ADGRL2: variants seen among roughly 807,000 people sequenced by gnomAD.
ADGRL2 encodes calcium-independent alpha-latrotoxin receptor 2.
In ADGRL2, 44 loss-of-function variants were observed where a neutral mutation model predicts 157.4. The observed-to-expected ratio is 0.28, with a 90% CI of 0.22 to 0.36. The LOEUF is 0.36. ADGRL2 is among the 10% of genes least tolerant of loss of function. The pLI is 1.00. For missense variants in ADGRL2, 1,510 were observed against 1,768.9 expected (o/e 0.85, Z 2.63); for synonymous variants, 585 against 624.7 (o/e 0.94, Z 0.95).
At chr1:81,850,607 T>C (rs749057754) in intron 2 of ADGRL2, among the ~76,000 whole-genome samples, 1 of 151,912 alleles carries the variant, frequency 6.6e-6, no homozygotes, top group Non-Finnish European at 1.5e-5. Context: ...CAGTTCCTTT[T>C]TGTTCTTTAG....
intron 2 of ADGRL2, among the ~76,000 whole-genome samples, chr1:81,784,783 A>C (rs1191664238): frequency 6.6e-6 from 1 of 152,096 alleles, no homozygotes; most frequent in Non-Finnish European, 1.5e-5. Flanking sequence ...GCATCAAGAA[A>C]AAAATTCCGC....
intron 3 of ADGRL2, among the ~76,000 whole-genome samples, chr1:81,684,993 T>C (rs1376882143): frequency 2.0e-5 from 3 of 152,200 alleles, no homozygotes; most frequent in Non-Finnish European, 2.9e-5. Flanking sequence ...CATTGGTCTA[T>C]GTGCCTATTT....
chr1:81,572,060 A>T (rs2080705955), intron 2 of ADGRL2, among the ~76,000 whole-genome samples: 2 of 152,244 alleles, frequency 1.3e-5, no homozygotes, highest in African/African-American at 4.8e-5. Context: ...CAAATTGAAA[A>T]ATTATAGAAT....
chr1:81,404,523 T>G (rs1196895957), intron 1 of ADGRL2, among the ~76,000 whole-genome samples: 1 of 152,150 alleles, frequency 6.6e-6, no homozygotes, highest in African/African-American at 2.4e-5. Context: ...AGGCAAACAA[T>G]TAGTAAGAGG....
At chr1:81,440,197 C>T (rs886266127) in intron 1 of ADGRL2, among the ~76,000 whole-genome samples, 1 of 152,226 alleles carries the variant, frequency 6.6e-6, no homozygotes, top group Non-Finnish European at 1.5e-5. Context: ...AAGTTCTTAA[C>T]ACAGTCTGAT....
intron 4 of ADGRL2, among the ~76,000 whole-genome samples, chr1:81,938,096 C>G (rs2095336069): frequency 6.6e-6 from 1 of 151,610 alleles, no homozygotes; most frequent in Admixed American, 6.6e-5. Flanking sequence ...TTTTCTGTAC[C>G]ATTTGTAGGA....
At chr1:81,845,732 T>TA (rs1164854207) in intron 2 of ADGRL2, among the ~76,000 whole-genome samples, 5 of 151,770 alleles carry the variant, frequency 3.3e-5, no homozygotes, top group African/African-American at 1.2e-4. Flanking sequence ...ATTTTTATTA[T>TA]AAAAACCTAT....
chr1:81,969,716 A>T (rs1658164829), intron 15 of ADGRL2, among the ~76,000 whole-genome samples: 1 of 152,136 alleles, frequency 6.6e-6, no homozygotes, highest in Non-Finnish European at 1.5e-5. Context: ...CTGACCAGTG[A>T]TCCTTTCTTT....
At chr1:81,797,303 C>A (rs577124261), upstream of ADGRL2, among the ~76,000 whole-genome samples, 2 of 152,166 alleles carry the variant, frequency 1.3e-5, no homozygotes, top group Admixed American at 1.3e-4. Context: ...CTTTTGAAAA[C>A]AAATTTTGTT....
intron 1 of ADGRL2, among the ~76,000 whole-genome samples, chr1:81,812,132 T>G (rs2089936731): frequency 6.6e-6 from 1 of 151,782 alleles, no homozygotes; most frequent in Non-Finnish European, 1.5e-5. Flanking sequence ...TAGAGTAGTA[T>G]TTCTATAAAA....
intron 1 of ADGRL2, among the ~76,000 whole-genome samples, chr1:81,432,416 T>C (rs924127961): frequency 6.6e-6 from 1 of 152,210 alleles, no homozygotes; most frequent in African/African-American, 2.4e-5. Flanking sequence ...CCAGTGCGTA[T>C]GCAGGAAACA....
At chr1:81,890,166 G>A (rs571617227) in intron 2 of ADGRL2, among the ~76,000 whole-genome samples, 1 of 152,208 alleles carries the variant, frequency 6.6e-6, no homozygotes, top group East Asian at 1.9e-4. Flanking sequence ...TAAAAGGAGG[G>A]AGCTCTTGAT....
intron 1 of ADGRL2, among the ~76,000 whole-genome samples, chr1:81,372,327 T>C (rs1283043625): frequency 6.6e-6 from 1 of 152,180 alleles, no homozygotes; most frequent in East Asian, 1.9e-4. Context: ...CAGGAACCCA[T>C]GTTACTTCTA....
chr1:81,758,750 TG>T (rs1305925220), intron 1 of ADGRL2, among the ~76,000 whole-genome samples: 1 of 152,242 alleles, frequency 6.6e-6, no homozygotes, highest in Non-Finnish European at 1.5e-5. Context: ...TGCTGCTTCA[TG>T]GCTTATGCCA....
chr1:81,502,701 G>A (rs1474016153), intron 2 of ADGRL2: 4 of 1,613,456 alleles, frequency 2.5e-6, no homozygotes, highest in Non-Finnish European at 2.5e-6. Context: ...ATGAGTGTGA[G>A]AAGAAAGCCT....
chr1:81,797,055 G>C (rs2087624837), upstream of ADGRL2, among the ~76,000 whole-genome samples: 1 of 152,152 alleles, frequency 6.6e-6, no homozygotes, highest in South Asian at 2.1e-4. Flanking sequence ...ACAAGTTCTA[G>C]TTAAGTTTGG....
intron 3 of ADGRL2, among the ~76,000 whole-genome samples, chr1:81,928,232 G>T (rs917174467): frequency 9.2e-5 from 14 of 152,022 alleles, no homozygotes; most frequent in African/African-American, 3.4e-4. Flanking sequence ...TACTTATCCC[G>T]CCTTCCTTTT....
chr1:81,391,122 T>C (rs1426374845), intron 1 of ADGRL2, among the ~76,000 whole-genome samples: 1 of 152,306 alleles, frequency 6.6e-6, no homozygotes, highest in Non-Finnish European at 1.5e-5. Flanking sequence ...ATCAAGTTTG[T>C]TAACAAATGA....
rs543340647 is a variant in ADGRL2 at position 81,911,876 on chromosome 1, AT to A, written c.287+4664del. Among the ~76,000 whole-genome samples the A allele has an allele frequency of 4.1e-3, 498 of 120,696 alleles. 2 individuals carry two copies. The highest frequency in any genetic ancestry group is 8.1e-3 in the Middle Eastern group (2 of 246). 79.2% of individuals were successfully genotyped at this position (120,696 alleles called of 152,430 possible). ...GTATAAAATAGGCCCCCTGCCTCCC[AT>A]TTTTTTTTTTTTTTTTTGCGGGGGG... On this transcript the variant is annotated intron_variant, in intron 3 of 23. Transcript: ENST00000686636.
Sources: allele counts gnomAD v4.1 joint callset (sites outside exome capture counted in the v4.1 genomes callset), GRCh38; gene constraint gnomAD v4.1.1; transcripts MANE v1.5; gene names NCBI Gene and HGNC (gene_info 2026-07-23, HGNC 2026-07-21).